The following IFTAP variants were observed in gnomAD, a reference collection of about 807,000 sequenced individuals.
The protein encoded by IFTAP is intraflagellar transport associated protein.
A neutral mutation model predicts 19.4 loss-of-function variants in IFTAP; 19 were observed. The observed-to-expected ratio is 0.98, with a 90% CI of 0.68 to 1.44. IFTAP has a LOEUF of 1.44. IFTAP is among the 40% of genes most tolerant of loss of function. IFTAP has a pLI of 0.00. For synonymous variants in IFTAP, 85 were observed against 83.5 expected, an observed-to-expected ratio of 1.02 and a Z score of -0.10; for missense variants, 240 against 253.6, an observed-to-expected ratio of 0.95 and a Z score of 0.36.
intron 1 of IFTAP, among the ~76,000 whole-genome samples, chr11:36,605,654 G>A (rs911068781): frequency 2.0e-5 from 3 of 152,232 alleles, no homozygotes; most frequent in Admixed American, 1.3e-4. Context: ...TTCCTAACCA[G>A]GCCTGTGGTC....
Position 36,613,435 on chromosome 11 carries a change from G to A in IFTAP, c.136+3196G>A, listed in dbSNP as rs181979313. On this transcript the variant is annotated intron_variant, in intron 2 of 5. Transcript: ENST00000334307. The stretch of plus-strand genomic sequence containing the variant: ...ATTAATTCTGTGAGTGTCTTGTTAT[G>A]GTCCAGATATCATTTTAGGTGCTGA... Among the ~76,000 whole-genome samples the A allele has an allele frequency of 2.5e-3, 379 of 151,908 alleles. 3 individuals carry two copies. The highest frequency in any genetic ancestry group is 8.7e-3 in the African/African-American group (360 of 41,450).
chr11:36,599,137 G>T (rs1851405778), intron 1 of IFTAP, among the ~76,000 whole-genome samples: 1 of 152,110 alleles, frequency 6.6e-6, no homozygotes, highest in Non-Finnish European at 1.5e-5. Context: ...GGGATTACAG[G>T]CACACGCCAC....
Position 36,659,153 on chromosome 11 carries a change from C to A in IFTAP, c.633C>A (p.Asp211Glu), listed in dbSNP as rs150907349. ...TATGCAAGCAGCAGAAGAGAAAGGACACCAGCCCAGACTTAGAGAAATCCT... is the reference window on the plus strand; with the variant it reads ...TATGCAAGCAGCAGAAGAGAAAGGAAACCAGCCCAGACTTAGAGAAATCCT... Reference protein sequence around the residue: ...KELCKQQKRKDTSPDLEKSCD With the variant: ...KELCKQQKRKETSPDLEKSCD Residue 211 changes from aspartate to glutamate, a missense_variant, in exon 6 of 6, where the codon GAC becomes GAA. Asp to Glu is a conservative substitution (Grantham distance 45, BLOSUM62 2). Transcript: ENST00000334307. The A allele has an allele frequency of 3.7e-6, 6 of 1,600,870 alleles. No homozygotes were observed. The highest frequency in any genetic ancestry group is 2.7e-5 in the African/African-American group (2 of 74,434).
At chr11:36,626,187 C>T (rs1852503890) in intron 2 of IFTAP, among the ~76,000 whole-genome samples, 1 of 151,158 alleles carries the variant, frequency 6.6e-6, no homozygotes, top group African/African-American at 2.5e-5. Flanking sequence ...CAAAAATCTG[C>T]AAAAATATAT....
At chr11:36,604,480 T>G (rs1851621321) in intron 1 of IFTAP, among the ~76,000 whole-genome samples, 1 of 152,180 alleles carries the variant, frequency 6.6e-6, no homozygotes, top group African/African-American at 2.4e-5. Context: ...AAGAGATGTT[T>G]TGTTTTATAT....
chr11:36,610,204 A>G lies in IFTAP; in HGVS notation c.101A>G (p.Glu34Gly). Residue 34 changes from glutamate (E) to glycine (G), a missense_variant, in exon 2 of 6, where the codon GAA becomes GGA. Physicochemically the swap from Glu to Gly is moderately conservative, Grantham distance 98 (BLOSUM62 -2). Transcript: ENST00000334307. ...AATTGTCATGAGCAAACATATGATG[A>G]AGAATTTCTGAACACTTTTACTCAT... Reference protein sequence around the residue: ...FLNCHEQTYDEEFLNTFTHLS... With the variant: ...FLNCHEQTYDGEFLNTFTHLS... 1 of 1,610,622 alleles carries G rather than the reference A, an allele frequency of 6.2e-7. No individual in the cohort carries two copies. The highest frequency in any genetic ancestry group is 8.5e-7 in the Non-Finnish European group (1 of 1,177,142).
At chr11:36,638,662 A>G (rs1434182545) in intron 4 of IFTAP, among the ~76,000 whole-genome samples, 1 of 152,246 alleles carries the variant, frequency 6.6e-6, no homozygotes, top group Non-Finnish European at 1.5e-5. Flanking sequence ...CAGATGGGAA[A>G]TGTGACATTT....
chr11:36,643,245 C>A (rs566799802), intron 4 of IFTAP, among the ~76,000 whole-genome samples: 282 of 152,276 alleles, frequency 1.9e-3, no homozygotes, highest in Admixed American at 2.8e-3. Flanking sequence ...CTCCCATTCA[C>A]AATTGCTTCA....
intron 4 of IFTAP, among the ~76,000 whole-genome samples, chr11:36,636,552 T>C (rs771523620): frequency 1.3e-5 from 2 of 152,216 alleles, no homozygotes; most frequent in Non-Finnish European, 2.9e-5. Flanking sequence ...TAAAGGTTAC[T>C]GAGGCTGAAC....
intron 3 of IFTAP, among the ~76,000 whole-genome samples, chr11:36,633,962 G>T (rs1852832088): frequency 6.6e-6 from 1 of 152,008 alleles, no homozygotes; most frequent in African/African-American, 2.4e-5. Context: ...AAACTGTTCT[G>T]CTTTTTAAGC....
At position 36,617,225 on chromosome 11, in the gene IFTAP, AT is replaced by A. The variant is rs973126901; in HGVS notation, c.136+6993del. On this transcript the variant is annotated intron_variant, in intron 2 of 5. Transcript: ENST00000334307. ...TATATATTTATTTATTTGTATATTT[AT>A]TTTTTTGTATATTTATTTATTTGTA... Among the ~76,000 whole-genome samples, 35 of 148,098 alleles carry A rather than the reference AT, an allele frequency of 2.4e-4. 1 individual carries two copies. The highest frequency in any genetic ancestry group is 1.6e-3 in the East Asian group (8 of 5,124).
At chr11:36,649,847 G>C (rs1853637597) in intron 5 of IFTAP, among the ~76,000 whole-genome samples, 1 of 152,046 alleles carries the variant, frequency 6.6e-6, no homozygotes, top group Non-Finnish European at 1.5e-5. Context: ...CTATTTTTTA[G>C]AGTAACTTTT....
intron 1 of IFTAP, chr11:36,594,942 G>T (rs756648542): frequency 6.6e-6 from 1 of 152,242 alleles, no homozygotes; most frequent in Non-Finnish European, 1.5e-5. Flanking sequence ...GTTGAAGGGG[G>T]CACCGAGGTT....
intron 1 of IFTAP, among the ~76,000 whole-genome samples, chr11:36,596,778 G>A (rs1353166680): frequency 6.6e-6 from 1 of 152,152 alleles, no homozygotes; most frequent in African/African-American, 2.4e-5. Flanking sequence ...AAGAACAGTT[G>A]TTTTAAAGCA....
intron 2 of IFTAP, among the ~76,000 whole-genome samples, chr11:36,620,962 A>T (rs1031836599): frequency 1.3e-5 from 2 of 151,962 alleles, no homozygotes; most frequent in Admixed American, 6.6e-5. Context: ...ACTTTTGTAG[A>T]CAAATGGGAT....
chr11:36,635,002 T>C (rs1852881455), intron 3 of IFTAP, among the ~76,000 whole-genome samples: 1 of 152,136 alleles, frequency 6.6e-6, no homozygotes, highest in Non-Finnish European at 1.5e-5. Flanking sequence ...AATTTAGTAG[T>C]GAAACCATTA....
chr11:36,639,327 T>C (rs1853100344), intron 4 of IFTAP, among the ~76,000 whole-genome samples: 1 of 151,990 alleles, frequency 6.6e-6, no homozygotes, highest in African/African-American at 2.4e-5. Context: ...GGTGTACTTA[T>C]GGTGTGGCTG....
intron 5 of IFTAP, among the ~76,000 whole-genome samples, chr11:36,651,348 T>C (rs1344996381): frequency 1.3e-5 from 2 of 152,250 alleles, no homozygotes; most frequent in East Asian, 3.8e-4. Flanking sequence ...GCTGCATAAA[T>C]GTCTTCTTTT....
intron 1 of IFTAP, among the ~76,000 whole-genome samples, chr11:36,599,036 C>T (rs2133343074): frequency 6.6e-6 from 1 of 152,240 alleles, no homozygotes; most frequent in East Asian, 1.9e-4. Context: ...CTCTGTCTCC[C>T]AGGCTGGAGT....
Sources: gnomAD v4.1 joint callset for allele counts (sites outside exome capture counted in the v4.1 genomes callset) on GRCh38, gnomAD v4.1.1 for gene constraint, MANE v1.5 for transcripts, NCBI Gene and HGNC (gene_info 2026-07-23, HGNC 2026-07-21) for gene names.